The following FREM1 variants were observed in gnomAD, a reference collection of about 807,000 sequenced individuals.
FREM1 encodes FRAS1 related extracellular matrix 1.
In FREM1, 220 loss-of-function variants were observed where a neutral mutation model predicts 210.1. The ratio of observed to expected loss-of-function variants is 1.05; its 90% CI spans 0.94 to 1.17. The LOEUF is 1.17. Among genes scored for constraint, FREM1 ranks in the 50% most tolerant of loss-of-function variants. The pLI, the probability that FREM1 is intolerant of heterozygous loss-of-function variation, is 0.00. For missense variants in FREM1, 3,454 were observed against 2,675.5 expected (o/e 1.29, Z -6.42); for synonymous variants, 1,189 against 980.2 (o/e 1.21, Z -3.98).
At chr9:14,904,173 C>T (rs76574764) in intron 1 of FREM1, among the ~76,000 whole-genome samples, 1 of 147,336 alleles carries the variant, frequency 6.8e-6, no homozygotes, top group East Asian at 2.0e-4. Flanking sequence ...GTTATAGAGA[C>T]TAGTGACTAG....
At chr9:14,893,132 C>T (rs1588630171) in intron 1 of FREM1, among the ~76,000 whole-genome samples, 2 of 151,976 alleles carry the variant, frequency 1.3e-5, no homozygotes, top group Admixed American at 1.3e-4. Flanking sequence ...TGAAGCCTGG[C>T]ATGTCAGCAA....
intron 10 of FREM1, among the ~76,000 whole-genome samples, chr9:14,826,798 T>G (rs991782539): frequency 6.6e-5 from 10 of 152,328 alleles, no homozygotes; most frequent in Non-Finnish European, 1.2e-4. Flanking sequence ...TCCCTTTCGC[T>G]GTGTGAGGAC....
chr9:14,800,220 T>C (rs956457525), intron 20 of FREM1, among the ~76,000 whole-genome samples: 2 of 152,052 alleles, frequency 1.3e-5, no homozygotes, highest in Non-Finnish European at 2.9e-5. Flanking sequence ...AAGGAGTGGT[T>C]TGGAGACCTT....
intron 27 of FREM1, among the ~76,000 whole-genome samples, chr9:14,761,429 T>A (rs935076262): frequency 3.9e-5 from 6 of 152,162 alleles, no homozygotes; most frequent in Non-Finnish European, 7.3e-5. Flanking sequence ...ATTAATAGAA[T>A]TTTAAACAAG....
At chr9:14,746,680 T>C (rs1842498108) in intron 34 of FREM1, among the ~76,000 whole-genome samples, 1 of 152,220 alleles carries the variant, frequency 6.6e-6, no homozygotes, top group Non-Finnish European at 1.5e-5. Context: ...TGTTACAACT[T>C]TGACACTCTG....
intron 19 of FREM1, among the ~76,000 whole-genome samples, chr9:14,802,086 T>C (rs993483509): frequency 1.3e-5 from 2 of 152,188 alleles, no homozygotes; most frequent in African/African-American, 4.8e-5. Flanking sequence ...TTTCTGAAGA[T>C]TTCAAAGCAC....
At position 14,776,058 on chromosome 9, in the gene FREM1, G is replaced by A; in HGVS notation, c.4588C>T (p.Leu1530Phe). 1.9e-6 allele frequency: 3 copies of A among 1,613,830 alleles called. No homozygotes were observed. Among genetic ancestry groups the A allele is most frequent in the South Asian group, 2.2e-5 (2 of 91,084 alleles). The change falls in exon 25 of 37, where the codon CTT becomes TTT. Residue 1530 changes from leucine to phenylalanine, a missense_variant. Leu to Phe is a conservative substitution (Grantham distance 22). Transcript: ENST00000380880. ...GGTGTATCAGGGTCGGTCAGCTGAA[G>A]GAGGTCAGGGGAAAGCAGGCCCACG... is the stretch of plus-strand genomic sequence containing the variant. ...GAVGLLSPDLLQLTDPDTPAE... is the reference protein window; with the variant it reads ...GAVGLLSPDLFQLTDPDTPAE...
chr9:14,780,952 C>T (rs1236021052), intron 24 of FREM1, among the ~76,000 whole-genome samples: 5 of 152,210 alleles, frequency 3.3e-5, no homozygotes, highest in Admixed American at 6.5e-5. Context: ...CTTGGGCAGA[C>T]GCTAGGCTCT....
chr9:14,834,399 C>T (rs1824156395), intron 10 of FREM1, among the ~76,000 whole-genome samples: 1 of 152,096 alleles, frequency 6.6e-6, no homozygotes. Context: ...ACTACTCTGT[C>T]CTTTAGTAAA....
In FREM1 at chr9:14,792,832, T is replaced by C. The variant is rs368536960; in HGVS notation, c.3892A>G (p.Ile1298Val). ...MGETRIISSA[I>V]LSAIDEDSPR... ...GAGTCTTCATCTATGGCTGAAAGAA[T>C]AGCACTGGAAATAATACGAGTTTCA... The change falls in exon 22 of 37, where the codon ATT (isoleucine) becomes GTT (valine). Residue 1298 changes from isoleucine (I) to valine (V), a missense_variant. By Grantham distance (29) the Ile-to-Val change is conservative. Coordinates refer to ENST00000380880, the MANE Select transcript of FREM1 (RefSeq NM_001379081.2). The C allele has an allele frequency of 1.2e-6, 2 of 1,601,484 alleles. No homozygotes were observed. Among genetic ancestry groups the C allele is most frequent in the South Asian group, 2.3e-5 (2 of 88,874 alleles).
chr9:14,805,119 T>A lies in FREM1; in HGVS notation c.3308A>T (p.His1103Leu). ...SFQWKDMNAFHINYVQSRHLR... is the reference protein window; with the variant it reads ...SFQWKDMNAFLINYVQSRHLR... ...ATGCCTGGACTGCACATAGTTAATG[T>A]GAAAAGCGTTCATGTCTTTCCACTG... The change falls in exon 19 of 37, where the codon CAC becomes CTC. Residue 1103 changes from histidine (H) to leucine (L), a missense_variant. By Grantham distance (99) the His-to-Leu change is moderately conservative. Transcript: ENST00000380880. The A allele has an allele frequency of 1.3e-6, 2 of 1,592,360 alleles. No individual in the cohort carries two copies. Among genetic ancestry groups the A allele is most frequent in the Non-Finnish European group, 1.7e-6 (2 of 1,167,378 alleles).
intron 14 of FREM1, among the ~76,000 whole-genome samples, chr9:14,818,371 T>C (rs1820685714): frequency 6.6e-6 from 1 of 152,212 alleles, no homozygotes; most frequent in Admixed American, 6.5e-5. Flanking sequence ...GGAACTAAAC[T>C]GTCAGGATTA....
rs750639857 is a variant in FREM1 at position 14,819,430 on chromosome 9, G to C, written c.2350C>G (p.Pro784Ala). 4.3e-6 allele frequency: 7 copies of C among 1,610,410 alleles called. No homozygotes were observed. In the East Asian group the frequency reaches 1.6e-4, roughly 36 times the overall value. ...DNQVPEAFTN[P>A]LKVTEGGQSI... Reference sequence around the variant, plus strand: ...TGACCTCCCTCAGTCACTTTCAGAGGGTTGGTGAACGCCTAGAAAGAAGAA... The same window carrying C: ...TGACCTCCCTCAGTCACTTTCAGAGCGTTGGTGAACGCCTAGAAAGAAGAA... Residue 784 changes from proline to alanine, a missense_variant, in exon 14 of 37, where the codon CCT becomes GCT. Pro to Ala is a conservative substitution (Grantham distance 27, BLOSUM62 -1). Coordinates refer to ENST00000380880, the MANE Select transcript of FREM1 (RefSeq NM_001379081.2).
intron 27 of FREM1, among the ~76,000 whole-genome samples, chr9:14,766,083 A>G (rs967176675): frequency 1.3e-5 from 2 of 152,026 alleles, no homozygotes; most frequent in African/African-American, 4.8e-5. Flanking sequence ...TAAGATGCGC[A>G]CTCACTTAGG....
chr9:14,745,196 T>C (rs1008992026), intron 35 of FREM1, among the ~76,000 whole-genome samples: 9 of 152,108 alleles, frequency 5.9e-5, no homozygotes, highest in African/African-American at 2.2e-4. Context: ...TGAAATAATC[T>C]CTACAACAAA....
chr9:14,773,768 A>G (rs1405819630), intron 25 of FREM1, among the ~76,000 whole-genome samples: 1 of 152,128 alleles, frequency 6.6e-6, no homozygotes, highest in African/African-American at 2.4e-5. Flanking sequence ...GTTGGGAAAG[A>G]CCTGATTCAA....
intron 36 of FREM1, 123 bp from the exon 37 acceptor site, chr9:14,737,718 G>T: frequency 2.7e-6 from 2 of 734,402 alleles, no homozygotes; most frequent in Non-Finnish European, 4.1e-6. Context: ...TAAAACAAGG[G>T]ATAGGAACTT....
chr9:14,893,429 G>A (rs1338276466), intron 1 of FREM1, among the ~76,000 whole-genome samples: 6 of 152,194 alleles, frequency 3.9e-5, no homozygotes, highest in Non-Finnish European at 5.9e-5. Context: ...GTCCTTGGGA[G>A]CTTGATCTTG....
rs376369063 is a variant in FREM1 at position 14,808,161 on chromosome 9, C to A, written c.2894-27G>T. ...TGGAAGACACAACTATAGCTGAAACCTGCCTTTTAAAAAATATAGAATACC... is the reference window on the plus strand; with the variant it reads ...TGGAAGACACAACTATAGCTGAAACATGCCTTTTAAAAAATATAGAATACC... On this transcript the variant is annotated intron_variant, in intron 16 of 36. Transcript: ENST00000380880. 7 of 1,477,102 alleles carry A rather than the reference C, an allele frequency of 4.7e-6. No homozygotes were observed. In the South Asian group the frequency reaches 1.0e-4, roughly 22 times the overall value. The allele number at this position is 1,477,102 out of a possible 1,614,324, so 91.5% of individuals were successfully genotyped here. A position where few individuals can be genotyped will look rare whatever the true frequency, so the allele number is the denominator to read the frequency against.
Sources: gnomAD v4.1 joint callset for allele counts (sites outside exome capture counted in the v4.1 genomes callset) on GRCh38, gnomAD v4.1.1 for gene constraint, MANE v1.5 for transcripts, NCBI Gene and HGNC (gene_info 2026-07-23, HGNC 2026-07-21) for gene names.